Variants in PKD1L3 observed in about 807,000 individuals in gnomAD.
PKD1L3 encodes the protein polycystin-1-like protein 3.
Under a neutral mutation model 184.1 loss-of-function variants are expected in PKD1L3, and 239 were observed. That is an observed-to-expected ratio of 1.30 (90% CI 1.17 to 1.45). The LOEUF (loss-of-function observed/expected upper bound fraction) is 1.45. PKD1L3 is among the 40% of genes most tolerant of loss of function. The pLI, the probability that PKD1L3 is intolerant of heterozygous loss-of-function variation, is 0.00. For synonymous variants in PKD1L3, 996 were observed against 778.8 expected (o/e 1.28, Z -4.64); for missense variants, 2,660 against 2,067.2 (o/e 1.29, Z -5.56).
chr16:71,941,554 C>T (rs1475836531), intron 24 of PKD1L3, among the ~76,000 whole-genome samples: 1 of 149,700 alleles, frequency 6.7e-6, no homozygotes, highest in African/African-American at 2.5e-5. Flanking sequence ...GGTCACGTTT[C>T]CAGATGATAG....
Position 71,984,128 on chromosome 16 carries a change from G to C in PKD1L3, c.874C>G (p.His292Asp). 3.2e-6 allele frequency: 5 copies of C among 1,551,870 alleles called. No individual in the cohort carries two copies. The highest frequency in any genetic ancestry group is 4.4e-6 in the Non-Finnish European group (5 of 1,146,980). ...EIAGNFSRAVHGLQALNKLQE... is the reference protein window; with the variant it reads ...EIAGNFSRAVDGLQALNKLQE... ...AGTTTGTTAAGAGCTTGCAAACCAT[G>C]AACTGCTCTGCTGAAGTTCCCTGCT... is the stretch of plus-strand genomic sequence containing the variant. The change falls in exon 6 of 30, where the codon CAT (histidine) becomes GAT (aspartate). Residue 292 changes from histidine to aspartate, a missense_variant. Coordinates refer to ENST00000620267, the MANE Select transcript of PKD1L3 (RefSeq NM_181536.2).
Position 71,973,350 on chromosome 16 carries a change from G to T in PKD1L3, c.1927C>A (p.Gln643Lys). Residue 643 changes from glutamine to lysine, a missense_variant, in exon 12 of 30, where the codon CAG (glutamine) becomes AAG (lysine). Coordinates refer to ENST00000620267, the MANE Select transcript of PKD1L3 (RefSeq NM_181536.2). ...TGGCATCCGGCGCTGCTCCATGTCT[G>T]GTTGTGGATCTCCCAGTAGTAACAC... ...TQCYYWEIHNQTWSSAGCQVG... is the reference protein window; with the variant it reads ...TQCYYWEIHNKTWSSAGCQVG... 1.3e-6 allele frequency: 2 copies of T among 1,551,678 alleles called. No individual in the cohort carries two copies. Among genetic ancestry groups the T allele is most frequent in the Non-Finnish European group, 1.7e-6 (2 of 1,146,996 alleles).
intron 25 of PKD1L3, among the ~76,000 whole-genome samples, chr16:71,936,358 A>G (rs1331782875): frequency 1.3e-5 from 2 of 151,570 alleles, no homozygotes; most frequent in Non-Finnish European, 2.9e-5. Context: ...GCCCGCCACC[A>G]TGCCCAGCTG....
intron 2 of PKD1L3, among the ~76,000 whole-genome samples, chr16:71,993,752 G>C (rs1218816775): frequency 6.6e-6 from 1 of 151,418 alleles, no homozygotes; most frequent in Non-Finnish European, 1.5e-5. Context: ...CATTGGTAGA[G>C]ATAAAAGAGT....
At chr16:71,937,548 T>G in intron 24 of PKD1L3, 129 bp from the exon 25 acceptor site, 2 of 997,220 alleles carry the variant, frequency 2.0e-6, no homozygotes, top group Non-Finnish European at 2.9e-6. Context: ...GTGCTCCACT[T>G]AGTATTTCCT....
At position 71,954,366 on chromosome 16, in the gene PKD1L3, T is replaced by A; in HGVS notation, c.2613-65A>T. ...ATTCTGAAAGTGCACCAGTTTAAGA[T>A]GTGATTTGCCCAGCAACAAGCGACA... On this transcript the variant is annotated intron_variant, in intron 16 of 29. Transcript: ENST00000620267. 2.3e-6 allele frequency: 3 copies of A among 1,328,856 alleles called. No individual in the cohort carries two copies. In the South Asian group the frequency reaches 4.5e-5, roughly 20 times the overall value. 82.3% of individuals were successfully genotyped at this position (1,328,856 alleles called of 1,614,324 possible). A position where few individuals can be genotyped will look rare whatever the true frequency, so the allele number is the denominator to read the frequency against.
At position 71,984,074 on chromosome 16, in the gene PKD1L3, G is replaced by C. The variant is rs1411517868; in HGVS notation, c.928C>G (p.Leu310Val). ...LQEACEFLQK[L>V]TALTPRFSKP... is the part of the protein sequence containing the mutation. ...GAAAATCTTGGGGTTAAGGCTGTTA[G>C]TTTCTGGAGGAACTCACAAGCTTCC... Residue 310 changes from leucine (L) to valine (V), a missense_variant, in exon 6 of 30, where the codon CTA becomes GTA. Transcript: ENST00000620267. 1.2e-5 allele frequency: 18 copies of C among 1,552,276 alleles called. No homozygotes were observed. The highest frequency in any genetic ancestry group is 2.4e-5 in the East Asian group (1 of 40,930).
intron 22 of PKD1L3, among the ~76,000 whole-genome samples, chr16:71,944,993 A>G (rs1386020040): frequency 6.6e-6 from 1 of 151,614 alleles, no homozygotes; most frequent in Non-Finnish European, 1.5e-5. Flanking sequence ...AAAAAAAGAA[A>G]AAAATAAAGC....
At chr16:71,964,309 C>CTTTTTTTTTTTTTTT (rs772995457) in intron 15 of PKD1L3, among the ~76,000 whole-genome samples, 1 of 56,658 alleles carries the variant, frequency 1.8e-5, no homozygotes, top group African/African-American at 7.2e-5. Flanking sequence ...TCGTCAAAAT[C>CTTTTTTTTTTTTTTT]TTTTTTTTTT....
In PKD1L3 at chr16:71,942,839, C is replaced by T; in HGVS notation, c.4045G>A (p.Gly1349Ser). Residue 1349 changes from glycine to serine, a missense_variant, in exon 24 of 30, where the codon GGT becomes AGT. By Grantham distance (56) the Gly-to-Ser change is moderately conservative. Transcript: ENST00000620267. ...CTGGGCTCCAGGACTGCATTCTTAC[C>T]TCTGTAATCCCCATACAGGCTAGGA... The part of the protein sequence containing the change: ...LLPSLYGDYR[G>S]KNAVLEPSHC... The T allele has an allele frequency of 1.9e-6, 3 of 1,551,598 alleles. No homozygotes were observed. The highest frequency in any genetic ancestry group is 1.4e-5 in the African/African-American group (1 of 73,130).
At chr16:71,943,342 GC>G (rs773573595) in intron 23 of PKD1L3, among the ~76,000 whole-genome samples, 1 of 151,870 alleles carries the variant, frequency 6.6e-6, no homozygotes, top group Non-Finnish European at 1.5e-5. Flanking sequence ...TTCGAGACCA[GC>G]CTGACCAACA....
At chr16:71,970,530 G>A (rs188323533) in intron 12 of PKD1L3, among the ~76,000 whole-genome samples, 75 of 152,272 alleles carry the variant, frequency 4.9e-4, no homozygotes, top group Admixed American at 4.4e-3. Flanking sequence ...ATGAATCAGC[G>A]GGTGTGGTGG....
Position 71,950,111 on chromosome 16 carries a change from G to A in PKD1L3, c.3383+7C>T, listed in dbSNP as rs149021406. On this transcript the variant is annotated splice_region_variant and intron_variant, in intron 20 of 29. Coordinates refer to ENST00000620267, the MANE Select transcript of PKD1L3 (RefSeq NM_181536.2). Reference sequence around the variant, plus strand: ...GGGGATAAAGAAGGCTTGGTGTGGTGCATTACCTGGATGGCTCTTGCTCCG... The same window carrying A: ...GGGGATAAAGAAGGCTTGGTGTGGTACATTACCTGGATGGCTCTTGCTCCG... 1 of 1,551,188 alleles carries A rather than the reference G, an allele frequency of 6.4e-7. No homozygotes were observed. Among genetic ancestry groups the A allele is most frequent in the Non-Finnish European group, 8.7e-7 (1 of 1,146,354 alleles).
intron 6 of PKD1L3, among the ~76,000 whole-genome samples, chr16:71,983,788 C>G (rs2040256282): frequency 6.7e-6 from 1 of 149,406 alleles, no homozygotes; most frequent in Non-Finnish European, 1.5e-5. Flanking sequence ...CTCAGCCTTC[C>G]AAGTAGCTGA....
chr16:71,964,349 T>G, intron 15 of PKD1L3, among the ~76,000 whole-genome samples: 1 of 76,536 alleles, frequency 1.3e-5, no homozygotes, highest in Non-Finnish European at 2.4e-5. Flanking sequence ...TTTTTTTTTT[T>G]TTTTTTTGAG....
chr16:71,941,648 C>T (rs532801047), intron 24 of PKD1L3, among the ~76,000 whole-genome samples: 21 of 145,350 alleles, frequency 1.4e-4, no homozygotes, highest in Middle Eastern at 3.7e-3. Context: ...GCAGTGGCAC[C>T]GTCTCAGCTC....
intron 22 of PKD1L3, among the ~76,000 whole-genome samples, chr16:71,946,013 C>T (rs1006717709): frequency 3.9e-5 from 6 of 152,134 alleles, no homozygotes; most frequent in African/African-American, 1.4e-4. Flanking sequence ...GGCTGGAGTA[C>T]GATGGCACGA....
At chr16:71,979,379 G>C (rs760084095) in intron 9 of PKD1L3, among the ~76,000 whole-genome samples, 1 of 152,162 alleles carries the variant, frequency 6.6e-6, no homozygotes, top group Non-Finnish European at 1.5e-5. Flanking sequence ...GGGAGGCAGA[G>C]GTTGCAGTGA....
At chr16:71,941,091 G>C (rs1351361183) in intron 24 of PKD1L3, among the ~76,000 whole-genome samples, 1 of 152,010 alleles carries the variant, frequency 6.6e-6, no homozygotes, top group African/African-American at 2.4e-5. Context: ...TCCTGCCTTG[G>C]CCTCCCAAAG....
Sources: allele counts gnomAD v4.1 joint callset (sites outside exome capture counted in the v4.1 genomes callset), GRCh38; gene constraint gnomAD v4.1.1; transcripts MANE v1.5; gene names NCBI Gene and HGNC (gene_info 2026-07-23, HGNC 2026-07-21).